ZFR2: variants seen among roughly 807,000 people sequenced by gnomAD.
ZFR2 encodes the protein zinc finger RNA binding protein 2.
In ZFR2, 104 loss-of-function variants were observed where a neutral mutation model predicts 105.7. That is an observed-to-expected ratio of 0.98 (90% CI 0.84 to 1.16). ZFR2 has a LOEUF of 1.16. Ranked by LOEUF, ZFR2 falls within the 50% of genes most tolerant of loss-of-function variation. The pLI is 0.00. For synonymous variants in ZFR2, 634 were observed against 597.7 expected, an observed-to-expected ratio of 1.06 and a Z score of -0.89; for missense variants, 1,425 against 1,355.5, an observed-to-expected ratio of 1.05 and a Z score of -0.80.
At position 3,821,373 on chromosome 19, in the gene ZFR2, A is replaced by G; in HGVS notation, c.1598T>C (p.Leu533Pro). 1.2e-6 allele frequency: 2 copies of G among 1,608,126 alleles called. No homozygotes were observed. The highest frequency in any genetic ancestry group is 1.7e-6 in the Non-Finnish European group (2 of 1,178,196). Residue 533 changes from leucine to proline, a missense_variant, in exon 10 of 19, where the codon CTG becomes CCG. Transcript: ENST00000262961. Reference sequence around the variant, plus strand: ...CGCGTGCCAGCGCCGCAGCTGCTCCAGCCGCTCCTCCGCCAGGTGCCGCTG... The same window carrying G: ...CGCGTGCCAGCGCCGCAGCTGCTCCGGCCGCTCCTCCGCCAGGTGCCGCTG... Reference protein sequence around the residue: ...RKQRHLAEERLEQLRRWHAER... With the variant: ...RKQRHLAEERPEQLRRWHAER...
intron 1 of ZFR2, among the ~76,000 whole-genome samples, chr19:3,865,240 T>G (rs2038416049): frequency 6.6e-6 from 1 of 152,138 alleles, no homozygotes; most frequent in Non-Finnish European, 1.5e-5. Context: ...CCTTCAAGAG[T>G]GAATGTGGGT....
In ZFR2 at chr19:3,822,167, G is replaced by A. The variant is rs775472109; in HGVS notation, c.1405C>T (p.His469Tyr). 6.2e-7 allele frequency: 1 copy of A among 1,606,700 alleles called. No homozygotes were observed. Among genetic ancestry groups the A allele is most frequent in the Non-Finnish European group, 8.5e-7 (1 of 1,177,020 alleles). ...AAACTGCACTCGCACAGCTTGCAGT[G>A]GAAGCGAAGCACTCGCCCTTCGTCG... ...FSDEGRVLRF[H>Y]CKLCECSFND... The change falls in exon 9 of 19, where the codon CAC becomes TAC. Residue 469 changes from histidine to tyrosine, a missense_variant. Transcript: ENST00000262961.
Position 3,821,982 on chromosome 19 carries a change from GA to G in ZFR2, c.1491+98del, listed in dbSNP as rs371800085. On this transcript the variant is annotated intron_variant, in intron 9 of 18. Coordinates refer to ENST00000262961, the MANE Select transcript of ZFR2 (RefSeq NM_015174.2). ...TCACCCCTCCCTCTTAAGTTCGTCG[GA>G]TCACACGCGCGGAAGAGGCCCGACC... 8.7e-5 allele frequency: 128 copies of G among 1,467,216 alleles called. No individual in the cohort carries two copies. In the African/African-American group the frequency reaches 1.7e-3, roughly 19 times the overall value. The allele number at this position is 1,467,216 out of a possible 1,614,324, so 90.9% of individuals were successfully genotyped here.
In ZFR2 at chr19:3,857,085, T is replaced by C. The variant is rs1451658414; in HGVS notation, c.53+11880A>G. 25 of 126,018 alleles carry C rather than the reference T, an allele frequency of 2.0e-4. No individual in the cohort carries two copies. In the East Asian group the frequency reaches 5.3e-3, roughly 26 times the overall value. 7.8% of individuals were successfully genotyped at this position (126,018 alleles called of 1,614,324 possible). The stretch of plus-strand genomic sequence containing the variant: ...CCAGAGGTTTTGTGAAATCTTCTTT[T>C]TTTTTTTTTTTTTTTTTTTTGAGAC... On this transcript the variant is annotated intron_variant, in intron 1 of 18. Coordinates refer to ENST00000262961, the MANE Select transcript of ZFR2 (RefSeq NM_015174.2).
intron 5 of ZFR2, among the ~76,000 whole-genome samples, chr19:3,830,226 C>T (rs1238014216): frequency 6.6e-6 from 1 of 152,016 alleles, no homozygotes; most frequent in Non-Finnish European, 1.5e-5. Context: ...ATCGCTTGGG[C>T]CCAGGAGTTC....
intron 16 of ZFR2, among the ~76,000 whole-genome samples, 184 bp downstream of exon 16, chr19:3,810,566 A>G (rs1442655901): frequency 3.3e-5 from 5 of 152,222 alleles, no homozygotes; most frequent in Admixed American, 1.3e-4. Context: ...CAGTCAAATG[A>G]GGCTGTGGAG....
chr19:3,842,549 A>C (rs2038143159), intron 1 of ZFR2, among the ~76,000 whole-genome samples: 1 of 152,154 alleles, frequency 6.6e-6, no homozygotes, highest in African/African-American at 2.4e-5. Flanking sequence ...TAAAGTATAA[A>C]ATGTAGTGGT....
intron 1 of ZFR2, among the ~76,000 whole-genome samples, chr19:3,840,492 C>T (rs780983424): frequency 6.6e-6 from 1 of 151,988 alleles, no homozygotes. Context: ...CCGTCTCAGC[C>T]TCCCAAAGTG....
At chr19:3,851,005 G>C (rs1389007078) in intron 1 of ZFR2, among the ~76,000 whole-genome samples, 1 of 151,706 alleles carries the variant, frequency 6.6e-6, no homozygotes, top group African/African-American at 2.4e-5. Flanking sequence ...GCCAAGGAGA[G>C]AGCCCTCACC....
intron 1 of ZFR2, among the ~76,000 whole-genome samples, chr19:3,866,924 A>G (rs1433523639): frequency 6.6e-6 from 1 of 152,162 alleles, no homozygotes; most frequent in Non-Finnish European, 1.5e-5. Context: ...CAAATACTCC[A>G]CCAGAGAAAC....
chr19:3,831,582 C>G, intron 4 of ZFR2, 26 bp from the exon 5 acceptor site: 1 of 1,544,312 alleles, frequency 6.5e-7, no homozygotes, highest in Non-Finnish European at 8.7e-7. Context: ...AACAATGAGT[C>G]GGGGGGAGAT....
rs567142525 is a variant in ZFR2, at chr19:3,808,230, CGT to C, written c.2545+640_2545+641del. Among the ~76,000 whole-genome samples the C allele has an allele frequency of 1.0e-4, 14 of 138,100 alleles. No homozygotes were observed. In the East Asian group the frequency reaches 2.9e-3, roughly 29 times the overall value. 90.6% of individuals were successfully genotyped at this position (138,100 alleles called of 152,430 possible). On this transcript the variant is annotated intron_variant, in intron 17 of 18. Coordinates refer to ENST00000262961, the MANE Select transcript of ZFR2 (RefSeq NM_015174.2). ...GCGTGTGTGCCCGTGCGAGTGCGTG[CGT>C]GTGCCCGTGTGTGCAAGTATGTGCG...
At chr19:3,822,835 G>A (rs1420940040) in intron 8 of ZFR2, among the ~76,000 whole-genome samples, 1 of 152,232 alleles carries the variant, frequency 6.6e-6, no homozygotes, top group Non-Finnish European at 1.5e-5. Flanking sequence ...ACCTGGCCCA[G>A]GAGCTCGGCT....
At chr19:3,865,899 C>T (rs1289581138) in intron 1 of ZFR2, among the ~76,000 whole-genome samples, 1 of 152,028 alleles carries the variant, frequency 6.6e-6, no homozygotes, top group Non-Finnish European at 1.5e-5. Context: ...AGTGCAGTAA[C>T]GTGATGATCT....
intron 5 of ZFR2, among the ~76,000 whole-genome samples, chr19:3,830,268 C>T (rs1297333850): frequency 6.6e-6 from 1 of 152,028 alleles, no homozygotes; most frequent in Non-Finnish European, 1.5e-5. Context: ...AGTGAGACCC[C>T]ATCTCTATTG....
At chr19:3,849,213 G>A (rs1370522962) in intron 1 of ZFR2, among the ~76,000 whole-genome samples, 2 of 152,036 alleles carry the variant, frequency 1.3e-5, no homozygotes, top group Non-Finnish European at 2.9e-5. Context: ...GTGGAAGGCT[G>A]AGCAGAGTCC....
chr19:3,822,050 C>T (rs893824513), intron 9 of ZFR2, 31 bp downstream of exon 9: 2 of 1,567,778 alleles, frequency 1.3e-6, no homozygotes, highest in Non-Finnish European at 1.7e-6. Flanking sequence ...ACAGCCCGGA[C>T]GGGTGTCGGA....
chr19:3,821,206 G>C (rs375548867), intron 10 of ZFR2, 134 bp downstream of exon 10: 9 of 1,278,344 alleles, frequency 7.0e-6, no homozygotes, highest in Non-Finnish European at 6.2e-6. Context: ...CCCACTGCCC[G>C]GGCACCCGTC....
rs1185449636 is a variant in ZFR2 at position 3,805,083 on chromosome 19, A to T, written c.*866T>A. 6.6e-6 allele frequency: 1 copy of T among 152,074 alleles called. No homozygotes were observed. Among genetic ancestry groups the T allele is most frequent in the Non-Finnish European group, 1.5e-5 (1 of 68,120 alleles). The allele number at this position is 152,074 out of a possible 1,614,324, so 9.4% of individuals were successfully genotyped here. ...GATGGGGTGTCACCATATTGCCCAGACTGATCTTAAACCGCTGGGCTCAAG... is the reference window on the plus strand; with the variant it reads ...GATGGGGTGTCACCATATTGCCCAGTCTGATCTTAAACCGCTGGGCTCAAG... On this transcript the variant is annotated 3_prime_UTR_variant, in exon 19 of 19. Coordinates refer to ENST00000262961, the MANE Select transcript of ZFR2 (RefSeq NM_015174.2).
Sources: gnomAD v4.1 joint callset for allele counts (sites outside exome capture counted in the v4.1 genomes callset) on GRCh38, gnomAD v4.1.1 for gene constraint, MANE v1.5 for transcripts, NCBI Gene and HGNC (gene_info 2026-07-23, HGNC 2026-07-21) for gene names.